NRG1: variants seen among roughly 807,000 people sequenced by gnomAD.
NRG1 encodes the protein pro-neuregulin-1, membrane-bound isoform.
In NRG1, 18 loss-of-function variants were observed where a neutral mutation model predicts 63.8. That is an observed-to-expected ratio of 0.28 (90% CI 0.19 to 0.42). NRG1 has a LOEUF of 0.42. Among genes scored for constraint, NRG1 ranks in the 10% least tolerant of loss-of-function variants. NRG1 has a pLI of 1.00. For missense variants in NRG1, 762 were observed against 814.7 expected (o/e 0.94, Z 0.79); for synonymous variants, 302 against 301.3 (o/e 1.00, Z -0.02).
intron 1 of NRG1, among the ~76,000 whole-genome samples, chr8:31,858,230 T>C (rs547000924): frequency 1.3e-5 from 2 of 150,264 alleles, no homozygotes; most frequent in African/African-American, 4.9e-5. Context: ...AACTGGGAGG[T>C]GGAGCTTGCA....
intron 5 of NRG1, among the ~76,000 whole-genome samples, chr8:32,650,884 A>G (rs1854961626): frequency 2.0e-5 from 3 of 151,800 alleles, no homozygotes. Context: ...TTTCTGTCTC[A>G]GCATATTCAG....
intron 1 of NRG1, among the ~76,000 whole-genome samples, chr8:32,200,518 A>G (rs115143087): frequency 6.6e-6 from 1 of 151,700 alleles, no homozygotes; most frequent in Admixed American, 6.6e-5. Flanking sequence ...TCTTCCTTTC[A>G]TAGTGAAGGT....
intron 6 of NRG1, among the ~76,000 whole-genome samples, chr8:32,732,799 C>CTTTTTTTTTTTTTTT (rs1173388613): frequency 2.4e-5 from 2 of 83,344 alleles, no homozygotes; most frequent in Non-Finnish European, 4.4e-5. Context: ...TGTTTAATTT[C>CTTTTTTTTTTTTTTT]TTTTTTTTTT....
At chr8:31,773,061 C>G (rs541267189) in intron 1 of NRG1, among the ~76,000 whole-genome samples, 1 of 152,182 alleles carries the variant, frequency 6.6e-6, no homozygotes, top group Non-Finnish European at 1.5e-5. Context: ...GAAGTCTACT[C>G]TAATGCAGAA....
At chr8:32,593,021 A>G (rs925148176) in intron 1 of NRG1, among the ~76,000 whole-genome samples, 7 of 152,168 alleles carry the variant, frequency 4.6e-5, no homozygotes, top group Non-Finnish European at 8.8e-5. Flanking sequence ...AGGAAGAGAA[A>G]ATATATTTAT....
intron 1 of NRG1, among the ~76,000 whole-genome samples, chr8:31,707,489 T>C (rs1811263305): frequency 6.6e-6 from 1 of 152,098 alleles, no homozygotes; most frequent in African/African-American, 2.4e-5. Context: ...TTTCTTCTTT[T>C]TTCTTTATAA....
At chr8:31,855,647 C>T (rs1389329646) in intron 1 of NRG1, among the ~76,000 whole-genome samples, 4 of 152,126 alleles carry the variant, frequency 2.6e-5, no homozygotes, top group Admixed American at 6.5e-5. Context: ...GAATTTGATC[C>T]TGTCCTTATG....
intron 1 of NRG1, among the ~76,000 whole-genome samples, chr8:32,054,859 CTTTCTTTTTTTTTTTTTTTTTTTTTT>C (rs1199786365): frequency 1.4e-4 from 10 of 70,662 alleles, no homozygotes; most frequent in East Asian, 7.2e-4. Flanking sequence ...AGATTTCTTT[CTTTCTTTTTTTTTTTTTTTTTTTTTT>C]TTTTTTTTTT....
intron 1 of NRG1, among the ~76,000 whole-genome samples, chr8:31,985,369 G>A (rs1194077532): frequency 6.6e-6 from 1 of 151,956 alleles, no homozygotes; most frequent in African/African-American, 2.4e-5. Flanking sequence ...CATGATTAGC[G>A]AGCATTTATA....
chr8:32,524,436 G>A (rs1312893327), intron 1 of NRG1, among the ~76,000 whole-genome samples: 3 of 151,466 alleles, frequency 2.0e-5, no homozygotes, highest in African/African-American at 7.3e-5. Flanking sequence ...TTCTCTCTTG[G>A]TTCCTTTTTC....
At chr8:31,765,774 C>T (rs1586246839) in intron 1 of NRG1, among the ~76,000 whole-genome samples, 1 of 152,124 alleles carries the variant, frequency 6.6e-6, no homozygotes, top group Admixed American at 6.5e-5. Flanking sequence ...CAAGATTTTA[C>T]TCCTGGCTCT....
chr8:32,708,126 TA>T (rs1217228678), intron 5 of NRG1, among the ~76,000 whole-genome samples: 1 of 152,130 alleles, frequency 6.6e-6, no homozygotes, highest in African/African-American at 2.4e-5. Context: ...TTTCCTAACT[TA>T]TATTATCTTA....
At chr8:31,895,413 G>C (rs557303983) in intron 1 of NRG1, among the ~76,000 whole-genome samples, 2 of 152,326 alleles carry the variant, frequency 1.3e-5, no homozygotes, top group East Asian at 3.9e-4. Flanking sequence ...CTATCTGTTG[G>C]TTTTCAAATG....
At chr8:32,408,038 T>C (rs182051660) in intron 1 of NRG1, among the ~76,000 whole-genome samples, 2 of 152,312 alleles carry the variant, frequency 1.3e-5, no homozygotes, top group Non-Finnish European at 2.9e-5. Flanking sequence ...AACTCATTTA[T>C]TGTCAGTGAG....
chr8:31,915,192 T>G (rs1041117091), intron 1 of NRG1, among the ~76,000 whole-genome samples: 6 of 152,058 alleles, frequency 3.9e-5, no homozygotes, highest in Admixed American at 3.9e-4. Flanking sequence ...AAAAACTCTG[T>G]TTTTGGTTAA....
At chr8:32,437,696 T>A (rs1818964634) in intron 1 of NRG1, among the ~76,000 whole-genome samples, 1 of 152,212 alleles carries the variant, frequency 6.6e-6, no homozygotes, top group Non-Finnish European at 1.5e-5. Flanking sequence ...AAGATGGTCC[T>A]TAAAATTCAG....
At chr8:31,735,762 C>T (rs925521837) in intron 1 of NRG1, among the ~76,000 whole-genome samples, 2 of 152,098 alleles carry the variant, frequency 1.3e-5, no homozygotes, top group African/African-American at 4.8e-5. Flanking sequence ...GCTAATTATC[C>T]CACAGCCTCG....
At chr8:32,323,760 G>T (rs1801686021) in intron 1 of NRG1, among the ~76,000 whole-genome samples, 1 of 152,186 alleles carries the variant, frequency 6.6e-6, no homozygotes, top group South Asian at 2.1e-4. Flanking sequence ...TTCAATATCT[G>T]GGTTGATCCT....
intron 1 of NRG1, among the ~76,000 whole-genome samples, chr8:31,928,050 T>C (rs1834538539): frequency 6.7e-6 from 1 of 150,342 alleles, no homozygotes; most frequent in African/African-American, 2.4e-5. Context: ...GCAAATTTCC[T>C]CTAAATAATG....
Sources: allele counts gnomAD v4.1 joint callset (sites outside exome capture counted in the v4.1 genomes callset), GRCh38; gene constraint gnomAD v4.1.1; transcripts MANE v1.5; gene names NCBI Gene and HGNC (gene_info 2026-07-23, HGNC 2026-07-21).